WNK1: variants seen among roughly 807,000 people sequenced by gnomAD.
The protein encoded by WNK1 is WNK lysine deficient protein kinase 1.
In WNK1, 38 loss-of-function variants were observed where a neutral mutation model predicts 222.8. The ratio of observed to expected loss-of-function variants is 0.17; its 90% CI spans 0.13 to 0.22. The LOEUF is 0.22. Ranked by LOEUF, WNK1 falls within the 10% of genes least tolerant of loss-of-function variation. WNK1 has a pLI of 1.00. For synonymous variants in WNK1, 1,090 were observed against 1,092.9 expected (o/e 1.00, Z 0.05); for missense variants, 2,348 against 2,918.4 (o/e 0.80, Z 4.50).
chr12:844,366 C>A (rs1041212447), intron 4 of WNK1, among the ~76,000 whole-genome samples: 3 of 152,120 alleles, frequency 2.0e-5, no homozygotes, highest in Admixed American at 2.0e-4. Flanking sequence ...AAACTCCTGA[C>A]CTCTAGCAAT....
chr12:896,588 A>G lies in WNK1; in HGVS notation c.6101A>G (p.His2034Arg), dbSNP rs72650766. 3.7e-6 allele frequency: 6 copies of G among 1,610,852 alleles called. No individual in the cohort carries two copies. The highest frequency in any genetic ancestry group is 5.1e-6 in the Non-Finnish European group (6 of 1,178,466). The change falls in exon 24 of 28, where the codon CAT becomes CGT. Residue 2034 changes from histidine to arginine, a missense_variant. His to Arg is a conservative substitution (Grantham distance 29). Around this residue, in one of 13 missense-constraint regions of WNK1, gnomAD observed 1,144 missense variants for 1,273.6 expected, o/e 0.90. Coordinates refer to ENST00000315939, the MANE Select transcript of WNK1 (RefSeq NM_018979.4). Reference sequence around the variant, plus strand: ...GGTTCCGGTAGTCCACACTCGCCCCATCAGCTGAGCTCAAAGAGCCTTCCT... The same window carrying G: ...GGTTCCGGTAGTCCACACTCGCCCCGTCAGCTGAGCTCAAAGAGCCTTCCT... ...DDGSGSPHSPHQLSSKSLPSQ... is the reference protein window; with the variant it reads ...DDGSGSPHSPRQLSSKSLPSQ...
At chr12:855,819 C>CA (rs1293590476) in intron 4 of WNK1, among the ~76,000 whole-genome samples, 1 of 151,888 alleles carries the variant, frequency 6.6e-6, no homozygotes, top group Non-Finnish European at 1.5e-5. Flanking sequence ...ATTTTCCACA[C>CA]ATTGCTGTTT....
chr12:894,502 G>A (rs1592219251), intron 22 of WNK1, 60 bp from the exon 23 acceptor site: 2 of 1,434,606 alleles, frequency 1.4e-6, no homozygotes, highest in East Asian at 4.6e-5. Context: ...CTAGCTAAAG[G>A]GAAAAGAAGT....
intron 2 of WNK1, among the ~76,000 whole-genome samples, chr12:825,528 G>A (rs1179342383): frequency 6.6e-6 from 1 of 152,034 alleles, no homozygotes; most frequent in Non-Finnish European, 1.5e-5. Context: ...TCTTATACAA[G>A]TACAAGATTA....
Position 884,248 on chromosome 12 carries a change from G to A in WNK1, c.3844+5G>A. On this transcript the variant is annotated splice_donor_5th_base_variant and intron_variant, in intron 18 of 27. Transcript: ENST00000315939. The surrounding 1 kb of genome is among the most constrained non-coding windows in gnomAD (Gnocchi z 5.6). ...CCAGTGAAATAACAGATACAGGTAA[G>A]GGATTGATTCTGCCACATTGTTATG... 1.2e-6 allele frequency: 2 copies of A among 1,614,004 alleles called. No homozygotes were observed. Among genetic ancestry groups the A allele is most frequent in the Non-Finnish European group, 1.7e-6 (2 of 1,179,936 alleles).
intron 9 of WNK1, 120 bp downstream of exon 9, chr12:871,468 C>G (rs72649873): frequency 2.2e-6 from 2 of 916,612 alleles, no homozygotes; most frequent in Admixed American, 3.9e-5. Flanking sequence ...AAGAGGCATA[C>G]CATGTCTTGT....
chr12:853,091 G>A (rs1950524725), intron 4 of WNK1, among the ~76,000 whole-genome samples: 1 of 152,086 alleles, frequency 6.6e-6, no homozygotes, highest in African/African-American at 2.4e-5. Flanking sequence ...GGACTGGTAA[G>A]GTGTGTCTCA....
At chr12:845,937 A>G (rs1949997570) in intron 4 of WNK1, among the ~76,000 whole-genome samples, 1 of 152,206 alleles carries the variant, frequency 6.6e-6, no homozygotes, top group Non-Finnish European at 1.5e-5. Flanking sequence ...CTTTTATATC[A>G]TGATAAGTAG....
chr12:886,109 T>C, intron 19 of WNK1, 25 bp downstream of exon 19: 3 of 1,548,330 alleles, frequency 1.9e-6, no homozygotes, highest in South Asian at 1.2e-5. Context: ...ATAAAATAAT[T>C]AGATAAATAT....
At chr12:806,892 C>T (rs780711917) in intron 1 of WNK1, among the ~76,000 whole-genome samples, 8 of 152,156 alleles carry the variant, frequency 5.3e-5, no homozygotes, top group Non-Finnish European at 1.0e-4. Flanking sequence ...TGCTCAATAT[C>T]GTATATTCTC....
At chr12:816,389 C>T (rs1355687568) in intron 2 of WNK1, among the ~76,000 whole-genome samples, 1 of 152,072 alleles carries the variant, frequency 6.6e-6, no homozygotes, top group African/African-American at 2.4e-5. Context: ...TCCACCTCAG[C>T]CTCCCCACTA....
At chr12:851,790 A>G (rs777122082) in intron 4 of WNK1, 18 of 1,338,208 alleles carry the variant, frequency 1.3e-5, no homozygotes, top group Non-Finnish European at 1.7e-5. Flanking sequence ...GAGGTAGGTA[A>G]GAATTTCCAG....
chr12:754,039 C>A lies in WNK1; in HGVS notation c.474C>A (p.Ser158Arg). ...GCCCTGCCCCCTCGACTGTCCCCAG[C>A]AGTACCAGCAAAGACCGCCCAGTGT... ...VAGPAPSTVP[S>R]STSKDRPVSQ... The change falls in exon 1 of 28, where the codon AGC becomes AGA. Residue 158 changes from serine (S) to arginine (R), a missense_variant. By Grantham distance (110) the Ser-to-Arg change is moderately radical. This residue lies in a region of WNK1 where 185 missense variants were observed against 159.2 expected (regional missense o/e 1.16). Coordinates refer to ENST00000315939, the MANE Select transcript of WNK1 (RefSeq NM_018979.4). The A allele has an allele frequency of 6.3e-7, 1 of 1,594,292 alleles. No homozygotes were observed. The highest frequency in any genetic ancestry group is 8.5e-7 in the Non-Finnish European group (1 of 1,170,758).
chr12:856,699 G>T (rs1264910272), intron 4 of WNK1, among the ~76,000 whole-genome samples: 1 of 152,102 alleles, frequency 6.6e-6, no homozygotes, highest in African/African-American at 2.4e-5. Context: ...CTTTGAGTTT[G>T]TTAAAGATTA....
chr12:859,111 G>T, intron 5 of WNK1, 134 bp from the exon 6 acceptor site: 1 of 743,388 alleles, frequency 1.3e-6, no homozygotes, highest in Non-Finnish European at 2.3e-6. Flanking sequence ...ATGTAAAAAT[G>T]AGTTATACTT....
At chr12:872,771 C>T (rs117371285) in intron 9 of WNK1, among the ~76,000 whole-genome samples, 4,948 of 152,228 alleles carry the variant, frequency 0.033, 106 homozygotes, top group Non-Finnish European at 0.046. Flanking sequence ...ACAAAGTTTT[C>T]GGTTCTTAAT....
chr12:784,870 T>C (rs1272498600), intron 1 of WNK1, among the ~76,000 whole-genome samples: 1 of 152,202 alleles, frequency 6.6e-6, no homozygotes, highest in African/African-American at 2.4e-5. Context: ...TCTTTCTCTT[T>C]CTTGGTCTCC....
In WNK1 at chr12:900,608, T is replaced by G; in HGVS notation, c.6581T>G (p.Leu2194Arg). The G allele has an allele frequency of 2.5e-6, 4 of 1,614,180 alleles. No homozygotes were observed. Among genetic ancestry groups the G allele is most frequent in the Non-Finnish European group, 3.4e-6 (4 of 1,180,026 alleles). The change falls in exon 26 of 28, where the codon CTC becomes CGC. Residue 2194 changes from leucine to arginine, a missense_variant. Physicochemically the swap from Leu to Arg is moderately radical, Grantham distance 102 (BLOSUM62 -2). Coordinates refer to ENST00000315939, the MANE Select transcript of WNK1 (RefSeq NM_018979.4). ...PLKPSPSSDN[L>R]YSAFTSDGAI... Reference sequence around the variant, plus strand: ...AAGCCATCTCCCTCCAGTGACAACCTCTATTCAGCCTTCACCAGTGATGGT... The same window carrying G: ...AAGCCATCTCCCTCCAGTGACAACCGCTATTCAGCCTTCACCAGTGATGGT...
At position 883,310 on chromosome 12, in the gene WNK1, G is replaced by A. The variant is rs895654362; in HGVS notation, c.3490-85G>A. The stretch of plus-strand genomic sequence containing the variant: ...ACAAAATAAATAAAAATATAGGTAA[G>A]TATGCAGATAGGACAGAAGTCATAA... On this transcript the variant is annotated intron_variant, in intron 15 of 27. Transcript: ENST00000315939. 7 of 1,450,566 alleles carry A rather than the reference G, an allele frequency of 4.8e-6. No homozygotes were observed. In the East Asian group the frequency reaches 9.1e-5, roughly 19 times the overall value. The allele number at this position is 1,450,566 out of a possible 1,614,324, so 89.9% of individuals were successfully genotyped here. A position where few individuals can be genotyped will look rare whatever the true frequency, so the allele number is the denominator to read the frequency against.
Sources: gnomAD v4.1 joint callset for allele counts (sites outside exome capture counted in the v4.1 genomes callset) on GRCh38, gnomAD v4.1.1 for gene constraint, gnomAD v4.1.1 regional missense constraint, Gnocchi (gnomAD v3.1) non-coding constraint, MANE v1.5 for transcripts, NCBI Gene and HGNC (gene_info 2026-07-23, HGNC 2026-07-21) for gene names.